Variants in RNF19B observed in about 807,000 individuals in gnomAD.
RNF19B encodes the protein E3 ubiquitin-protein ligase RNF19B.
RNF19B carries 23 observed loss-of-function variants against 65.5 expected under a neutral mutation model. The observed-to-expected ratio is 0.35, with a 90% CI of 0.25 to 0.50. The LOEUF is 0.50. Among genes scored for constraint, RNF19B ranks in the 20% least tolerant of loss-of-function variants. RNF19B has a pLI of 0.98. For synonymous variants in RNF19B, 372 were observed against 379.6 expected (o/e 0.98, Z 0.23); for missense variants, 794 against 980.0 (o/e 0.81, Z 2.53).
intron 6 of RNF19B, 112 bp from the exon 7 acceptor site, chr1:32,942,571 T>A: frequency 1.2e-6 from 1 of 822,680 alleles, no homozygotes; most frequent in Non-Finnish European, 1.9e-6. Context: ...AATGAACAGG[T>A]ACTGTGTGCA....
chr1:32,957,874 T>C lies in RNF19B; in HGVS notation c.635+6177A>G, dbSNP rs16835218. 9.2e-3 allele frequency among the ~76,000 whole-genome samples: 1,395 copies of C among 152,318 alleles called. 20 individuals are homozygous for C. Among genetic ancestry groups the C allele is most frequent in the African/African-American group, 0.032 (1,330 of 41,572 alleles). ...GTTGAATTGAATGATCACCTGTCTA[T>C]ACTATTCTTGCTTATCTCTTTCATC... On this transcript the variant is annotated intron_variant, in intron 1 of 8. Coordinates refer to ENST00000235150, the MANE Select transcript of RNF19B (RefSeq NM_001300826.2).
the RNF19B span, among the ~76,000 whole-genome samples, chr1:32,930,798 C>T: frequency 8.5e-5 from 13 of 152,286 alleles, no homozygotes; most frequent in South Asian, 2.7e-3. Context: ...CTGTTAAGAG[C>T]CATTCTTGGC....
At chr1:32,943,831 C>G (rs78994793) in intron 6 of RNF19B, among the ~76,000 whole-genome samples, 188 bp downstream of exon 6, 1 of 152,062 alleles carries the variant, frequency 6.6e-6, no homozygotes, top group Non-Finnish European at 1.5e-5. Context: ...CACACAGAGG[C>G]AAGTACCAGG....
chr1:32,930,072 CAT>C, the RNF19B span, among the ~76,000 whole-genome samples: 1 of 152,220 alleles, frequency 6.6e-6, no homozygotes, highest in African/African-American at 2.4e-5. Flanking sequence ...GTAGGTCACA[CAT>C]ATGATAAATC....
At chr1:32,945,867 A>G (rs1642354855) in intron 4 of RNF19B, among the ~76,000 whole-genome samples, 1 of 150,646 alleles carries the variant, frequency 6.6e-6, no homozygotes, top group Non-Finnish European at 1.5e-5. Flanking sequence ...TAAGCATTTT[A>G]CCTTCTTCTT....
intron 1 of RNF19B, among the ~76,000 whole-genome samples, chr1:32,959,264 AT>A (rs1642714582): frequency 6.6e-6 from 1 of 152,162 alleles, no homozygotes; most frequent in Non-Finnish European, 1.5e-5. Flanking sequence ...TGCACAAAGA[AT>A]TTAGGTCAAG....
rs1327033043 is a variant in RNF19B, at chr1:32,949,646, C to T, written c.764G>A (p.Arg255His). ...TCGTAAAGTCTGGGCCCTCTGTTGA[C>T]GGGCCATATCGCATGTCTGATTTGG... ...WHPNQTCDMA[R>H]QQRAQTLRVR... is the part of the protein sequence containing the mutation. Residue 255 changes from arginine to histidine, a missense_variant, in exon 2 of 9, where the codon CGT becomes CAT. Arg to His is a conservative substitution (Grantham distance 29). This residue lies in a region of RNF19B where 374 missense variants were observed against 423.8 expected (regional missense o/e 0.88). Coordinates refer to ENST00000235150, the MANE Select transcript of RNF19B (RefSeq NM_001300826.2). 11 of 1,613,726 alleles carry T rather than the reference C, an allele frequency of 6.8e-6. No homozygotes were observed. Among genetic ancestry groups the T allele is most frequent in the Admixed American group, 5.0e-5 (3 of 59,948 alleles).
At chr1:32,952,449 A>AC (rs1557576945) in intron 1 of RNF19B, among the ~76,000 whole-genome samples, 2 of 145,036 alleles carry the variant, frequency 1.4e-5, no homozygotes, top group African/African-American at 2.5e-5. Context: ...AAAAAAAAAA[A>AC]AAAAAAAAAA....
intron 3 of RNF19B, 126 bp from the exon 4 acceptor site, chr1:32,946,690 T>C (rs1642373729): frequency 1.2e-6 from 1 of 815,354 alleles, no homozygotes; most frequent in Non-Finnish European, 1.9e-6. Context: ...GGGAAATGAA[T>C]ACATTACACA....
At chr1:32,963,177 A>G (rs926111675) in intron 1 of RNF19B, among the ~76,000 whole-genome samples, 15 of 152,130 alleles carry the variant, frequency 9.9e-5, no homozygotes, top group African/African-American at 3.4e-4. Flanking sequence ...GCAGCAAGGT[A>G]AGAACGACAG....
In RNF19B at chr1:32,938,484, T is replaced by A; in HGVS notation, c.1655A>T (p.Asp552Val). The change falls in exon 8 of 9, where the codon GAC becomes GTC. Residue 552 changes from aspartate (D) to valine (V), a missense_variant. Physicochemically the swap from Asp to Val is radical, Grantham distance 152 (BLOSUM62 -3). Around this residue, in one of 3 missense-constraint regions of RNF19B, gnomAD observed 368 missense variants for 447.3 expected, o/e 0.82. Coordinates refer to ENST00000235150, the MANE Select transcript of RNF19B (RefSeq NM_001300826.2). The stretch of plus-strand genomic sequence containing the variant: ...ACTAATTGCACCAAGACTGGCTGTG[T>A]CTTTGGGGAAAATTTCCTTTTGGAC... ...ADVQKEIFPK[D>V]TASLGAISDN... 1 of 1,614,154 alleles carries A rather than the reference T, an allele frequency of 6.2e-7. No individual in the cohort carries two copies. Among genetic ancestry groups the A allele is most frequent in the Non-Finnish European group, 8.5e-7 (1 of 1,180,010 alleles).
At chr1:32,947,844 C>T (rs1642404101) in intron 3 of RNF19B, among the ~76,000 whole-genome samples, 2 of 151,736 alleles carry the variant, frequency 1.3e-5, no homozygotes, top group Non-Finnish European at 1.5e-5. Flanking sequence ...AAGAATGAGG[C>T]GGAAAAAGGA....
chr1:32,945,402 T>C (rs1320028208), intron 5 of RNF19B, 112 bp downstream of exon 5: 3 of 642,562 alleles, frequency 4.7e-6, no homozygotes. Context: ...GAATTTACTA[T>C]CAAGGTGGGT....
intron 1 of RNF19B, among the ~76,000 whole-genome samples, chr1:32,955,581 C>T (rs1221506644): frequency 6.6e-6 from 1 of 150,670 alleles, no homozygotes; most frequent in African/African-American, 2.4e-5. Flanking sequence ...AAAAAAAATA[C>T]AAAAATTAGC....
chr1:32,937,065 C>A lies in RNF19B; in HGVS notation c.1937G>T (p.Cys646Phe), dbSNP rs780745942. The A allele has an allele frequency of 8.1e-6, 13 of 1,614,086 alleles. No homozygotes were observed. Among genetic ancestry groups the A allele is most frequent in the East Asian group, 6.7e-5 (3 of 44,898 alleles). The stretch of plus-strand genomic sequence containing the variant: ...GATGTCCCAAGGTTTGCTGGCCAGG[C>A]AGTCTTTCTGTTCACAGCTTTGGTG... ...CRHQSCEQKD[C>F]LASKPWDISL... The change falls in exon 9 of 9, where the codon TGC becomes TTC. Residue 646 changes from cysteine to phenylalanine, a missense_variant. Physicochemically the swap from Cys to Phe is radical, Grantham distance 205. Coordinates refer to ENST00000235150, the MANE Select transcript of RNF19B (RefSeq NM_001300826.2).
At chr1:32,956,969 C>T (rs1484078706) in intron 1 of RNF19B, among the ~76,000 whole-genome samples, 1 of 152,130 alleles carries the variant, frequency 6.6e-6, no homozygotes, top group Non-Finnish European at 1.5e-5. Flanking sequence ...ATTTAAGACC[C>T]ATCTCTAGGC....
chr1:32,949,765 A>G lies in RNF19B; in HGVS notation c.645T>C (p.Val215=). 4 of 1,613,534 alleles carry G rather than the reference A, an allele frequency of 2.5e-6. No individual in the cohort carries two copies. The highest frequency in any genetic ancestry group is 3.4e-6 in the Non-Finnish European group (4 of 1,179,824). ...WCPAPDCGYA[V]IAYGCASCPK... is the part of the protein sequence containing the mutation. ...GGCAGCTGGCACAGCCATAGGCAATAACAGCATAACTAGGTAAGGAAACAG... is the reference window on the plus strand; with the variant it reads ...GGCAGCTGGCACAGCCATAGGCAATGACAGCATAACTAGGTAAGGAAACAG... Residue 215 remains valine (V), a synonymous_variant, in exon 2 of 9, where the codon GTT becomes GTC. Coordinates refer to ENST00000235150, the MANE Select transcript of RNF19B (RefSeq NM_001300826.2).
chr1:32,951,233 T>TA (rs1198015058), intron 1 of RNF19B, among the ~76,000 whole-genome samples: 1 of 152,238 alleles, frequency 6.6e-6, no homozygotes, highest in Non-Finnish European at 1.5e-5. Context: ...TTGTATTTTT[T>TA]AAAAAATCCA....
chr1:32,962,287 G>A (rs1326952223), intron 1 of RNF19B, among the ~76,000 whole-genome samples: 2 of 152,058 alleles, frequency 1.3e-5, no homozygotes, highest in African/African-American at 4.8e-5. Flanking sequence ...CTTAATATTC[G>A]TTTGGTTAAG....
Sources: allele counts gnomAD v4.1 joint callset (sites outside exome capture counted in the v4.1 genomes callset), GRCh38; gene constraint gnomAD v4.1.1; regional missense constraint gnomAD v4.1.1; transcripts MANE v1.5; gene names NCBI Gene and HGNC (gene_info 2026-07-23, HGNC 2026-07-21).